NFIB: variants seen among roughly 807,000 people sequenced by gnomAD.
NFIB encodes the protein nuclear factor 1 B-type.
A neutral mutation model predicts 61.5 loss-of-function variants in NFIB; 11 were observed. That is an observed-to-expected ratio of 0.18 (90% confidence interval 0.11 to 0.30). The LOEUF (loss-of-function observed/expected upper bound fraction) is 0.30, where lower values mean the gene tolerates loss of function less well. Ranked by LOEUF, NFIB falls within the 10% of genes least tolerant of loss-of-function variation. The pLI, the probability that NFIB is intolerant of heterozygous loss-of-function variation, is 1.00. For synonymous variants in NFIB, 260 were observed against 216.5 expected (o/e 1.20, Z -1.76); for missense variants, 471 against 608.9 (o/e 0.77, Z 2.38).
intron 3 of NFIB, among the ~76,000 whole-genome samples, chr9:14,166,332 G>C (rs941527559): frequency 6.6e-6 from 1 of 152,084 alleles, no homozygotes; most frequent in South Asian, 2.1e-4. Flanking sequence ...GATACCATGA[G>C]TAATAAAGAA....
At chr9:14,137,317 A>T (rs1439052053) in intron 6 of NFIB, among the ~76,000 whole-genome samples, 3 of 152,212 alleles carry the variant, frequency 2.0e-5, no homozygotes, top group Admixed American at 2.0e-4. Flanking sequence ...CGCATTCCTC[A>T]GGTATAAAGC....
At chr9:14,175,496 G>C (rs907343236) in intron 3 of NFIB, among the ~76,000 whole-genome samples, 5 of 152,052 alleles carry the variant, frequency 3.3e-5, no homozygotes, top group African/African-American at 7.2e-5. Flanking sequence ...AATTTCTTAA[G>C]TGCAAGATAA....
At chr9:14,204,342 T>C (rs1936802270) in intron 2 of NFIB, 1 of 789,068 alleles carries the variant, frequency 1.3e-6, no homozygotes, top group African/African-American at 1.7e-5. Flanking sequence ...AACCCCCTGT[T>C]TGAGAAAAGG....
chr9:14,226,583 T>C (rs543108705), intron 2 of NFIB, among the ~76,000 whole-genome samples: 4 of 150,884 alleles, frequency 2.7e-5, no homozygotes, highest in African/African-American at 9.7e-5. Flanking sequence ...TATATAAGCA[T>C]ATTAGTCTTA....
At chr9:14,306,428 T>C (rs2060021805) in intron 2 of NFIB, among the ~76,000 whole-genome samples, 1 of 152,190 alleles carries the variant, frequency 6.6e-6, no homozygotes, top group Non-Finnish European at 1.5e-5. Flanking sequence ...ATTAAGTAAA[T>C]CTAGGTCTAC....
the NFIB span, among the ~76,000 whole-genome samples, chr9:14,461,588 A>G: frequency 6.6e-6 from 1 of 152,192 alleles, no homozygotes; most frequent in Non-Finnish European, 1.5e-5. Flanking sequence ...TGGATATAGT[A>G]CTAACATAGC....
At chr9:14,088,925 C>G (rs1237687971) in intron 10 of NFIB, among the ~76,000 whole-genome samples, 1 of 152,082 alleles carries the variant, frequency 6.6e-6, no homozygotes, top group African/African-American at 2.4e-5. Context: ...ATCAAACATA[C>G]CTTAATCAGA....
At chr9:14,503,119 T>C in the NFIB span, among the ~76,000 whole-genome samples, 17 of 150,124 alleles carry the variant, frequency 1.1e-4, no homozygotes, top group Admixed American at 3.3e-4. Context: ...TGTGTATGTG[T>C]GTGTATGTGT....
intron 2 of NFIB, among the ~76,000 whole-genome samples, chr9:14,297,704 T>C (rs961944590): frequency 2.6e-5 from 4 of 152,250 alleles, no homozygotes; most frequent in East Asian, 1.9e-4. Context: ...TAAGGAAATG[T>C]ACATTTTAAC....
intron 2 of NFIB, among the ~76,000 whole-genome samples, chr9:14,265,020 G>A (rs995084045): frequency 6.6e-6 from 1 of 152,054 alleles, no homozygotes; most frequent in Non-Finnish European, 1.5e-5. Flanking sequence ...AGAGATTCAG[G>A]GGACAACATG....
intron 4 of NFIB, among the ~76,000 whole-genome samples, chr9:14,150,592 A>C (rs139500361): frequency 1.6e-4 from 25 of 152,206 alleles, no homozygotes; most frequent in Non-Finnish European, 2.8e-4. Flanking sequence ...CCTTGGAGGA[A>C]ACAGAATATA....
chr9:14,304,357 T>C (rs1464055380), intron 2 of NFIB, among the ~76,000 whole-genome samples: 1 of 152,242 alleles, frequency 6.6e-6, no homozygotes, highest in Non-Finnish European at 1.5e-5. Context: ...AGAGATGCAG[T>C]GTGTGATCTT....
the NFIB span, among the ~76,000 whole-genome samples, chr9:14,508,580 G>C: frequency 6.6e-6 from 1 of 152,212 alleles, no homozygotes; most frequent in Non-Finnish European, 1.5e-5. Context: ...ACTGTGTCTT[G>C]TGTCCCATAT....
At chr9:14,180,423 T>C (rs1460134399) in intron 2 of NFIB, among the ~76,000 whole-genome samples, 1 of 152,192 alleles carries the variant, frequency 6.6e-6, no homozygotes, top group Non-Finnish European at 1.5e-5. Context: ...TTTCCATCCA[T>C]GACAGATGGA....
intron 2 of NFIB, among the ~76,000 whole-genome samples, chr9:14,272,855 G>C (rs903497073): frequency 6.6e-6 from 1 of 151,716 alleles, no homozygotes; most frequent in African/African-American, 2.4e-5. Flanking sequence ...CTTTTCTCTC[G>C]GTAAACAATT....
the NFIB span, among the ~76,000 whole-genome samples, chr9:14,417,835 C>A: frequency 7.8e-6 from 1 of 128,074 alleles, no homozygotes; most frequent in Non-Finnish European, 1.5e-5. Context: ...GGCTGGAATG[C>A]AATGGTGCGA....
intron 2 of NFIB, chr9:14,306,050 AAAT>A (rs1355096833): frequency 2.4e-6 from 2 of 846,002 alleles, no homozygotes; most frequent in African/African-American, 1.8e-5. Flanking sequence ...AGAAAAATAA[AAAT>A]AATAAACATT....
At chr9:14,424,357 G>A in the NFIB span, among the ~76,000 whole-genome samples, 2 of 152,092 alleles carry the variant, frequency 1.3e-5, no homozygotes, top group Non-Finnish European at 2.9e-5. Flanking sequence ...AAAAGTGTTC[G>A]AGGGTCAAAT....
chr9:14,093,180 T>G (rs1000420275), intron 10 of NFIB, among the ~76,000 whole-genome samples: 2 of 151,958 alleles, frequency 1.3e-5, no homozygotes, highest in African/African-American at 4.8e-5. Flanking sequence ...GATGAAACAA[T>G]AAGAGCTATT....
Sources: allele counts gnomAD v4.1 joint callset (sites outside exome capture counted in the v4.1 genomes callset), GRCh38; gene constraint gnomAD v4.1.1; transcripts MANE v1.5; gene names NCBI Gene and HGNC (gene_info 2026-07-23, HGNC 2026-07-21).